The following KIDINS220 variants were observed in gnomAD, a reference collection of about 807,000 sequenced individuals.
The protein encoded by KIDINS220 is kinase D-interacting substrate of 220 kDa.
A neutral mutation model predicts 157.6 loss-of-function variants in KIDINS220; 63 were observed. That is an observed-to-expected ratio of 0.40 (90% CI 0.33 to 0.49). The LOEUF (loss-of-function observed/expected upper bound fraction) is 0.49. KIDINS220 is among the 20% of genes least tolerant of loss of function. The pLI is 0.66. For synonymous variants in KIDINS220, 732 were observed against 783.6 expected (o/e 0.93, Z 1.10); for missense variants, 1,772 against 2,171.2 (o/e 0.82, Z 3.65).
At chr2:8,726,428 A>G (rs147552756), downstream of KIDINS220, among the ~76,000 whole-genome samples, 3 of 152,368 alleles carry the variant, frequency 2.0e-5, no homozygotes, top group African/African-American at 7.2e-5. Context: ...TTTAATTTCT[A>G]GCAACCATTT....
chr2:8,792,937 C>A (rs187490377), intron 12 of KIDINS220, among the ~76,000 whole-genome samples: 3 of 151,982 alleles, frequency 2.0e-5, no homozygotes, highest in Non-Finnish European at 2.9e-5. Flanking sequence ...ACTCAATGTA[C>A]GAAAAATTAT....
chr2:8,746,206 G>A (rs1022995735), intron 26 of KIDINS220, among the ~76,000 whole-genome samples: 1 of 151,600 alleles, frequency 6.6e-6, no homozygotes, highest in African/African-American at 2.4e-5. Context: ...AGGCTCAAGC[G>A]ATTCTCCTGC....
At chr2:8,762,986 G>A (rs977369077) in intron 22 of KIDINS220, among the ~76,000 whole-genome samples, 6 of 152,028 alleles carry the variant, frequency 3.9e-5, no homozygotes, top group African/African-American at 1.2e-4. Context: ...TAAGTTGTTC[G>A]CGTTTTTCAA....
chr2:8,818,072 T>C (rs1677345559), intron 3 of KIDINS220, among the ~76,000 whole-genome samples: 2 of 152,238 alleles, frequency 1.3e-5, no homozygotes, highest in Non-Finnish European at 2.9e-5. Flanking sequence ...AAAGAGACTG[T>C]AATCAGATTT....
In KIDINS220 at chr2:8,778,689, T is replaced by C. The variant is rs1671295250; in HGVS notation, c.2653A>G (p.Ser885Gly). The C allele has an allele frequency of 6.2e-7, 1 of 1,614,040 alleles. No individual in the cohort carries two copies. The highest frequency in any genetic ancestry group is 8.5e-7 in the Non-Finnish European group (1 of 1,180,004). ...EDADRRVSQN[S>G]LGEMTKLGSK... ...CCAAGTTTTGTCATCTCCCCAAGGC[T>C]GTTCTGTGAAACTCTTCTGTCAGCA... The change falls in exon 20 of 30, where the codon AGC becomes GGC. Residue 885 changes from serine (S) to glycine (G), a missense_variant. Ser to Gly is a moderately conservative substitution (Grantham distance 56, BLOSUM62 0). Around this residue, in one of 3 missense-constraint regions of KIDINS220, gnomAD observed 725 missense variants for 1,017.1 expected, o/e 0.71. Transcript: ENST00000256707.
chr2:8,754,704 T>G (rs1338752258), intron 22 of KIDINS220, among the ~76,000 whole-genome samples: 1 of 152,220 alleles, frequency 6.6e-6, no homozygotes, highest in Non-Finnish European at 1.5e-5. Context: ...TGGCAGAAAT[T>G]GCATAAACTA....
At chr2:8,768,079 GA>G (rs1315798158) in intron 22 of KIDINS220, among the ~76,000 whole-genome samples, 1 of 152,108 alleles carries the variant, frequency 6.6e-6, no homozygotes, top group Non-Finnish European at 1.5e-5. Flanking sequence ...CTATCTTCAT[GA>G]AAACTACTTA....
intron 6 of KIDINS220, among the ~76,000 whole-genome samples, chr2:8,808,017 G>A (rs952071179): frequency 1.3e-5 from 2 of 152,008 alleles, no homozygotes; most frequent in African/African-American, 4.8e-5. Flanking sequence ...CCAGCTACCG[G>A]GGAGGCTGAT....
chr2:8,749,865 T>G (rs1431458072), intron 24 of KIDINS220, among the ~76,000 whole-genome samples: 1 of 152,160 alleles, frequency 6.6e-6, no homozygotes, highest in African/African-American at 2.4e-5. Flanking sequence ...TGGAGTCCAT[T>G]TACTTATCAA....
chr2:8,789,175 A>G (rs1215912116), intron 14 of KIDINS220, among the ~76,000 whole-genome samples: 1 of 68,524 alleles, frequency 1.5e-5, no homozygotes, highest in Non-Finnish European at 3.0e-5. Context: ...TAGGGATTAT[A>G]TTATATTTTT....
rs376786203 is a variant in KIDINS220 at position 8,736,257 on chromosome 2, C to T, written c.3717+611G>A. ...AGTGAAATACCTACTATAAAGACTT[C>T]GTTAAAACCTTCCCCCAAATCTCAG... On this transcript the variant is annotated intron_variant, in intron 27 of 29. Transcript: ENST00000256707. Among the ~76,000 whole-genome samples, 5 of 152,280 alleles carry T rather than the reference C, an allele frequency of 3.3e-5. No homozygotes were observed. The South Asian group carries it at 8.3e-4, about 25-fold the overall frequency.
intron 26 of KIDINS220, among the ~76,000 whole-genome samples, chr2:8,742,352 C>T (rs1665747643): frequency 6.6e-6 from 1 of 151,960 alleles, no homozygotes; most frequent in Non-Finnish European, 1.5e-5. Context: ...CCTCCTGCCT[C>T]AGCCTTCCTA....
rs142912851 is a variant in KIDINS220 at position 8,813,903 on chromosome 2, G to A, written c.307-568C>T. Among the ~76,000 whole-genome samples, 1,004 of 152,168 alleles carry A rather than the reference G, an allele frequency of 6.6e-3. 21 individuals are homozygous for A. Among genetic ancestry groups the A allele is most frequent in the African/African-American group, 0.023 (950 of 41,494 alleles). ...CGCGCCACTGCACTCCAGCACAGGCGACAGTGCGAGACTCCATCTCAAATA... is the reference window on the plus strand; with the variant it reads ...CGCGCCACTGCACTCCAGCACAGGCAACAGTGCGAGACTCCATCTCAAATA... On this transcript the variant is annotated intron_variant, in intron 4 of 29. Transcript: ENST00000256707.
In KIDINS220 at chr2:8,730,807, T is replaced by G. The variant is rs1279941434; in HGVS notation, c.5229A>C (p.Thr1743=). 1 of 1,614,142 alleles carries G rather than the reference T, an allele frequency of 6.2e-7. No individual in the cohort carries two copies. Among genetic ancestry groups the G allele is most frequent in the Non-Finnish European group, 8.5e-7 (1 of 1,180,052 alleles). ...GCTCCGGAGGATCTTTGGAGAGCCT[T>G]GTGTAACTTGAACGTTGGCTTCGCT... The part of the protein sequence containing the change: ...THKRSQRSSY[T]RLSKDPPELH... Residue 1743 remains threonine, a synonymous_variant, in exon 30 of 30, where the codon ACA becomes ACC. Coordinates refer to ENST00000256707, the MANE Select transcript of KIDINS220 (RefSeq NM_020738.4).
At chr2:8,816,977 A>C (rs1329322471) in intron 4 of KIDINS220, among the ~76,000 whole-genome samples, 1 of 152,194 alleles carries the variant, frequency 6.6e-6, no homozygotes, top group African/African-American at 2.4e-5. Context: ...AAAAACCATC[A>C]TCAGCTAAGT....
At chr2:8,790,120 C>G in intron 13 of KIDINS220, 61 bp from the exon 14 acceptor site, 2 of 1,452,536 alleles carry the variant, frequency 1.4e-6, no homozygotes, top group Non-Finnish European at 1.9e-6. Context: ...CAACTTTTAA[C>G]TCAATATGCA....
chr2:8,817,690 T>C lies in KIDINS220; in HGVS notation c.234A>G (p.Ala78=). The change falls in exon 4 of 30, where the codon GCA becomes GCG. Residue 78 remains alanine (A), a synonymous_variant. Transcript: ENST00000256707. Reference sequence around the variant, plus strand: ...CGATGTGCACATGCCCTTCTTTCGATGCAGATATAAGTGCTGTCCAATTAT... The same window carrying C: ...CGATGTGCACATGCCCTTCTTTCGACGCAGATATAAGTGCTGTCCAATTAT... ...DLDNWTALIS[A]SKEGHVHIVE... 7 of 1,608,382 alleles carry C rather than the reference T, an allele frequency of 4.4e-6. No individual in the cohort carries two copies. The highest frequency in any genetic ancestry group is 4.5e-5 in the East Asian group (2 of 44,758).
intron 9 of KIDINS220, among the ~76,000 whole-genome samples, chr2:8,799,689 T>C (rs920117791): frequency 1.3e-5 from 2 of 152,212 alleles, no homozygotes; most frequent in East Asian, 1.9e-4. Context: ...CCCCATAACA[T>C]TTGGCATAAT....
intron 1 of KIDINS220, among the ~76,000 whole-genome samples, chr2:8,829,047 T>A (rs942909513): frequency 6.6e-6 from 1 of 152,178 alleles, no homozygotes; most frequent in African/African-American, 2.4e-5. Context: ...AGGAAGGAAA[T>A]CTATCTCTGG....
Sources: gnomAD v4.1 joint callset for allele counts (sites outside exome capture counted in the v4.1 genomes callset) on GRCh38, gnomAD v4.1.1 for gene constraint, gnomAD v4.1.1 regional missense constraint, MANE v1.5 for transcripts, NCBI Gene and HGNC (gene_info 2026-07-23, HGNC 2026-07-21) for gene names.